LARGE1: variants seen among roughly 807,000 people sequenced by gnomAD.
The protein encoded by LARGE1 is LARGE xylosyl- and glucuronyltransferase 1, also known as xylosyl- and glucuronyltransferase LARGE1.
LARGE1 carries 43 observed loss-of-function variants against 87.6 expected under a neutral mutation model. The observed-to-expected ratio is 0.49, with a 90% CI of 0.38 to 0.63. The LOEUF is 0.63. Among genes scored for constraint, LARGE1 ranks in the 30% least tolerant of loss-of-function variants. LARGE1 has a pLI of 0.00. For missense variants in LARGE1, 802 were observed against 1,000.2 expected, an observed-to-expected ratio of 0.80 and a Z score of 2.67; for synonymous variants, 434 against 394.6, an observed-to-expected ratio of 1.10 and a Z score of -1.18.
intron 1 of LARGE1, among the ~76,000 whole-genome samples, chr22:33,821,239 T>C (rs1039398061): frequency 3.3e-5 from 5 of 152,040 alleles, no homozygotes; most frequent in Non-Finnish European, 7.4e-5. Context: ...ACAGACGATG[T>C]TGGTTATCTT....
chr22:33,247,325 C>A (rs1926811374), intron 11 of LARGE1, among the ~76,000 whole-genome samples: 1 of 151,926 alleles, frequency 6.6e-6, no homozygotes. Context: ...CATTTCAGAG[C>A]TAAAGGAGTA....
chr22:33,795,870 A>G (rs12169879), intron 1 of LARGE1, among the ~76,000 whole-genome samples: 1 of 151,572 alleles, frequency 6.6e-6, no homozygotes, highest in Non-Finnish European at 1.5e-5. Context: ...GAGGTGGGAG[A>G]GATAGCATTA....
At chr22:33,357,200 T>G (rs1401327862) in intron 9 of LARGE1, among the ~76,000 whole-genome samples, 1 of 152,148 alleles carries the variant, frequency 6.6e-6, no homozygotes, top group East Asian at 1.9e-4. Context: ...TGAAAAGGAA[T>G]GAAAACATGG....
In LARGE1 at chr22:33,402,134, G is replaced by A. The variant is rs991560398; in HGVS notation, c.893-17830C>T. ...TTTACAAACAAGGAAACTGAGGCTC[G>A]GAGAGGTCATACAGCTGGTGAGTGG... On this transcript the variant is annotated intron_variant, in intron 7 of 14. Transcript: ENST00000397394. 1.1e-4 allele frequency among the ~76,000 whole-genome samples: 16 copies of A among 152,266 alleles called. 1 individual carries two copies. In the South Asian group the frequency reaches 1.7e-3, roughly 16 times the overall value.
intron 11 of LARGE1, among the ~76,000 whole-genome samples, chr22:33,252,412 T>C (rs982466276): frequency 1.2e-4 from 19 of 152,168 alleles, no homozygotes; most frequent in Non-Finnish European, 1.2e-4. Flanking sequence ...TTCATCAACA[T>C]GCATGCATTT....
chr22:33,100,173 T>TAAAAC, the LARGE1 span, among the ~76,000 whole-genome samples: 18 of 151,562 alleles, frequency 1.2e-4, no homozygotes, highest in East Asian at 1.7e-3. Flanking sequence ...CTGTCTCTAC[T>TAAAAC]AAAACAAAAC....
At chr22:33,823,564 C>G (rs895501014) in intron 1 of LARGE1, among the ~76,000 whole-genome samples, 1 of 152,218 alleles carries the variant, frequency 6.6e-6, no homozygotes, top group Non-Finnish European at 1.5e-5. Context: ...CACAGCCTCA[C>G]GCACCCCTCA....
chr22:33,264,489 G>T (rs1363618875), intron 11 of LARGE1, among the ~76,000 whole-genome samples: 1 of 152,126 alleles, frequency 6.6e-6, no homozygotes, highest in East Asian at 1.9e-4. Flanking sequence ...TGAAATTCCT[G>T]TCTCTACTAA....
chr22:33,438,872 T>C (rs1196882979), intron 6 of LARGE1, among the ~76,000 whole-genome samples: 3 of 152,162 alleles, frequency 2.0e-5, no homozygotes, highest in South Asian at 2.1e-4. Flanking sequence ...AGGTTAAGTA[T>C]AAAATCTATC....
chr22:33,341,537 T>C (rs1939141555), intron 9 of LARGE1, among the ~76,000 whole-genome samples: 1 of 152,130 alleles, frequency 6.6e-6, no homozygotes. Flanking sequence ...GCAATACCCA[T>C]TGAAGTTGGC....
chr22:33,832,559 G>A (rs886732001), intron 1 of LARGE1, among the ~76,000 whole-genome samples: 1 of 152,166 alleles, frequency 6.6e-6, no homozygotes, highest in Non-Finnish European at 1.5e-5. Flanking sequence ...TCCAATACAG[G>A]CCTCAACAGC....
chr22:33,508,354 C>A (rs2148421511), intron 6 of LARGE1, among the ~76,000 whole-genome samples: 1 of 152,286 alleles, frequency 6.6e-6, no homozygotes, highest in South Asian at 2.1e-4. Flanking sequence ...TCAAAGGCAG[C>A]CTTTCTCCTC....
intron 6 of LARGE1, among the ~76,000 whole-genome samples, chr22:33,449,309 T>C (rs1329998243): frequency 6.6e-6 from 1 of 152,188 alleles, no homozygotes; most frequent in East Asian, 1.9e-4. Context: ...GGCTCTCCAC[T>C]GTTTAGCTGT....
At chr22:33,366,292 G>A (rs1221733700) in intron 9 of LARGE1, among the ~76,000 whole-genome samples, 2 of 152,168 alleles carry the variant, frequency 1.3e-5, no homozygotes, top group Non-Finnish European at 2.9e-5. Context: ...GCTCTTGCAC[G>A]CTCTCCTCTT....
intron 1 of LARGE1, among the ~76,000 whole-genome samples, chr22:33,882,379 A>T (rs147171916): frequency 0.011 from 1,660 of 152,276 alleles, 16 homozygotes; most frequent in Admixed American, 0.015. Flanking sequence ...ACCTGGGGCA[A>T]ATGAAATGCC....
intron 7 of LARGE1, among the ~76,000 whole-genome samples, chr22:33,420,141 C>A (rs1047651275): frequency 9.9e-5 from 15 of 152,280 alleles, no homozygotes; most frequent in Non-Finnish European, 1.5e-4. Flanking sequence ...AAATTTCCCA[C>A]GAGCAACCAT....
At chr22:33,723,643 A>G (rs796438625) in intron 2 of LARGE1, among the ~76,000 whole-genome samples, 11 of 152,326 alleles carry the variant, frequency 7.2e-5, no homozygotes, top group African/African-American at 2.4e-4. Context: ...ATGTTGGAAG[A>G]TAAAATTTGT....
At chr22:33,716,902 C>T (rs755711381) in intron 2 of LARGE1, among the ~76,000 whole-genome samples, 5 of 152,224 alleles carry the variant, frequency 3.3e-5, no homozygotes, top group Admixed American at 6.5e-5. Flanking sequence ...ATTCAGAGCA[C>T]AGACATTATG....
the LARGE1 span, among the ~76,000 whole-genome samples, chr22:33,092,222 A>G: frequency 2.6e-5 from 4 of 151,784 alleles, no homozygotes; most frequent in Admixed American, 6.6e-5. Flanking sequence ...TAAATCCTTA[A>G]TAAGACTATG....
Sources: allele counts gnomAD v4.1 joint callset (sites outside exome capture counted in the v4.1 genomes callset), GRCh38; gene constraint gnomAD v4.1.1; transcripts MANE v1.5; gene names NCBI Gene and HGNC (gene_info 2026-07-23, HGNC 2026-07-21).